The following UST variants were observed in gnomAD, a reference collection of about 807,000 sequenced individuals.
UST encodes the protein uronyl 2-sulfotransferase, also known as chondroitin sulfate 2-O-sulfotransferase.
A neutral mutation model predicts 45.6 loss-of-function variants in UST; 21 were observed. The observed-to-expected ratio is 0.46, with a 90% confidence interval of 0.33 to 0.66. The LOEUF (loss-of-function observed/expected upper bound fraction) is 0.66, where lower values mean the gene tolerates loss of function less well. Among genes scored for constraint, UST ranks in the 30% least tolerant of loss-of-function variants. The probability of loss-of-function intolerance (pLI) is 0.02; values close to 1 mark genes in which losing one functional copy is unlikely to be tolerated. For missense variants in UST, 463 were observed against 512.4 expected (o/e 0.90, Z 0.93); for synonymous variants, 215 against 200.6 (o/e 1.07, Z -0.61).
chr6:148,789,890 G>T (rs1776806662), intron 1 of UST, among the ~76,000 whole-genome samples: 2 of 151,794 alleles, frequency 1.3e-5, no homozygotes, highest in Admixed American at 1.3e-4. Context: ...GAGCCACTGT[G>T]CCTGGCCAAA....
intron 1 of UST, among the ~76,000 whole-genome samples, chr6:148,820,637 T>C (rs540269242): frequency 2.6e-5 from 4 of 151,988 alleles, no homozygotes; most frequent in Non-Finnish European, 5.9e-5. Context: ...GATCACGAGG[T>C]CAGGAGATCA....
At chr6:149,029,604 T>C (rs1776110111) in intron 7 of UST, among the ~76,000 whole-genome samples, 2 of 151,642 alleles carry the variant, frequency 1.3e-5, no homozygotes, top group Admixed American at 6.6e-5. Context: ...TTTCCATTTT[T>C]ATTTTCCACT....
intron 1 of UST, among the ~76,000 whole-genome samples, chr6:148,767,891 T>A (rs2114668507): frequency 6.6e-6 from 1 of 152,346 alleles, no homozygotes; most frequent in South Asian, 2.1e-4. Context: ...GGCCTGTGAA[T>A]ATACTATTAA....
In UST at chr6:148,873,791, A is replaced by ACAGTGCTGAGAACAGCAT. The variant is rs541710773; in HGVS notation, c.248-13192_248-13175dup. Among the ~76,000 whole-genome samples, 255 of 152,348 alleles carry ACAGTGCTGAGAACAGCAT rather than the reference A, an allele frequency of 1.7e-3. 1 individual carries two copies. Among genetic ancestry groups the ACAGTGCTGAGAACAGCAT allele is most frequent in the Non-Finnish European group, 2.4e-3 (160 of 68,034 alleles). ...GAATGAGGTCCGGAGAGTGCTTTGC[A>ACAGTGCTGAGAACAGCAT]CAGTGCTGAGAACAGCATCAATGCT... On this transcript the variant is annotated intron_variant, in intron 1 of 7. Coordinates refer to ENST00000367463, the MANE Select transcript of UST (RefSeq NM_005715.3).
At chr6:148,950,926 G>A (rs911198925) in intron 3 of UST, among the ~76,000 whole-genome samples, 2 of 152,236 alleles carry the variant, frequency 1.3e-5, no homozygotes, top group African/African-American at 4.8e-5. Flanking sequence ...ATACAGAGGG[G>A]AGATCAAAGG....
rs190129616 is a variant in UST at position 149,071,460 on chromosome 6, G to A, written c.938-2373G>A. Among the ~76,000 whole-genome samples, 388 of 152,240 alleles carry A rather than the reference G, an allele frequency of 2.5e-3. 2 individuals are homozygous for A. The highest frequency in any genetic ancestry group is 7.8e-3 in the Admixed American group (119 of 15,290). ...GCAAATCTTCATGACCTTGGATTTG[G>A]CAATGGCTTCTTTAATATGACACCA... On this transcript the variant is annotated intron_variant, in intron 7 of 7. Transcript: ENST00000367463.
At chr6:148,757,034 G>A (rs1200713922) in intron 1 of UST, among the ~76,000 whole-genome samples, 1 of 152,216 alleles carries the variant, frequency 6.6e-6, no homozygotes, top group Non-Finnish European at 1.5e-5. Context: ...TTTAGAGGTG[G>A]TTGCCCATTC....
chr6:148,884,561 G>A (rs944315227), intron 1 of UST, among the ~76,000 whole-genome samples: 2 of 152,176 alleles, frequency 1.3e-5, no homozygotes, highest in South Asian at 4.1e-4. Flanking sequence ...CTGAACCACA[G>A]AGAAGGCTGT....
intron 2 of UST, among the ~76,000 whole-genome samples, chr6:148,888,876 G>A (rs1273752074): frequency 6.6e-6 from 1 of 152,218 alleles, no homozygotes; most frequent in African/African-American, 2.4e-5. Context: ...AGAGGATTAT[G>A]TTCTCTCTGG....
chr6:148,968,157 A>T (rs888015798), intron 5 of UST, among the ~76,000 whole-genome samples: 2 of 152,196 alleles, frequency 1.3e-5, no homozygotes, highest in Non-Finnish European at 2.9e-5. Context: ...GACTGGGCCG[A>T]GTCCCACGCT....
At chr6:148,828,373 T>C (rs1871920) in intron 1 of UST, among the ~76,000 whole-genome samples, 119,270 of 152,062 alleles carry the variant, frequency 0.78, 47,536 homozygotes, top group East Asian at 0.99. Context: ...AAGTTAATAA[T>C]GCCGTTATAT....
At chr6:149,000,428 A>G (rs1195614726) in intron 5 of UST, among the ~76,000 whole-genome samples, 3 of 152,184 alleles carry the variant, frequency 2.0e-5, no homozygotes, top group Non-Finnish European at 4.4e-5. Flanking sequence ...AACCACTAGA[A>G]TAAGACAGAG....
intron 5 of UST, 113 bp downstream of exon 5, chr6:148,964,676 G>GAAGGC: frequency 7.2e-7 from 1 of 1,395,314 alleles, no homozygotes; most frequent in Non-Finnish European, 9.7e-7. Flanking sequence ...CCTCCATGGA[G>GAAGGC]CGTGGCGCAG....
In UST at chr6:148,879,929, C is replaced by CTTTTCTTTT. The variant is rs1554222832; in HGVS notation, c.248-7054_248-7046dup. Reference sequence around the variant, plus strand: ...GTTTGTCTAGGTGCAAGATATCTGACTTTTCTTTTTTCTTTTTTTTTTCTT... The same window carrying CTTTTCTTTT: ...GTTTGTCTAGGTGCAAGATATCTGACTTTTCTTTTTTTTCTTTTTTCTTTTTTTTTTCTT... On this transcript the variant is annotated intron_variant, in intron 1 of 7. Coordinates refer to ENST00000367463, the MANE Select transcript of UST (RefSeq NM_005715.3). Among the ~76,000 whole-genome samples the CTTTTCTTTT allele has an allele frequency of 8.7e-3, 1,196 of 137,730 alleles. 21 individuals are homozygous for CTTTTCTTTT. Among genetic ancestry groups the CTTTTCTTTT allele is most frequent in the African/African-American group, 0.032 (1,123 of 34,666 alleles). 90.4% of individuals were successfully genotyped at this position (137,730 alleles called of 152,430 possible). A position where few individuals can be genotyped will look rare whatever the true frequency, so the allele number is the denominator to read the frequency against.
intron 2 of UST, among the ~76,000 whole-genome samples, chr6:148,925,152 CTG>C (rs1170284318): frequency 6.6e-6 from 1 of 152,108 alleles, no homozygotes; most frequent in Non-Finnish European, 1.5e-5. Context: ...AACTTGAGCT[CTG>C]TGTATGAGAG....
At chr6:149,016,927 C>T (rs1775905930) in intron 5 of UST, among the ~76,000 whole-genome samples, 1 of 152,182 alleles carries the variant, frequency 6.6e-6, no homozygotes, top group Admixed American at 6.5e-5. Flanking sequence ...GGACTAAAGG[C>T]TCAGGTTCCA....
chr6:148,892,715 C>T (rs1225682860), intron 2 of UST, among the ~76,000 whole-genome samples: 2 of 152,186 alleles, frequency 1.3e-5, no homozygotes, highest in African/African-American at 2.4e-5. Flanking sequence ...TACTGAATGG[C>T]AGTGTTCTAA....
At position 148,747,295 on chromosome 6, in the gene UST, C is replaced by T; in HGVS notation, c.-136C>T. ...AGTCTCCTGAGCCCGGCAACTTCGG[C>T]CCCTCCCCGCCCCCACCCGGCTGCC... On this transcript the variant is annotated 5_prime_UTR_variant, in exon 1 of 8. Coordinates refer to ENST00000367463, the MANE Select transcript of UST (RefSeq NM_005715.3). The T allele has an allele frequency of 3.6e-6, 4 of 1,097,124 alleles. No individual in the cohort carries two copies. Among genetic ancestry groups the T allele is most frequent in the Non-Finnish European group, 4.7e-6 (4 of 845,612 alleles). 68.0% of individuals were successfully genotyped at this position (1,097,124 alleles called of 1,614,324 possible).
intron 1 of UST, among the ~76,000 whole-genome samples, chr6:148,875,221 T>G (rs1305883399): frequency 4.6e-5 from 7 of 152,188 alleles, no homozygotes; most frequent in Non-Finnish European, 7.3e-5. Flanking sequence ...CATTGTATTC[T>G]TCAGAGACCA....
Sources: gnomAD v4.1 joint callset for allele counts (sites outside exome capture counted in the v4.1 genomes callset) on GRCh38, gnomAD v4.1.1 for gene constraint, MANE v1.5 for transcripts, NCBI Gene and HGNC (gene_info 2026-07-23, HGNC 2026-07-21) for gene names.